Variants in ROBO1 observed in about 807,000 individuals in gnomAD.
ROBO1 encodes the protein roundabout homolog 1.
ROBO1 carries 149 observed loss-of-function variants against 195.9 expected under a neutral mutation model. The observed-to-expected ratio is 0.76, with a 90% confidence interval of 0.67 to 0.87. The LOEUF is 0.87. ROBO1 is among the 40% of genes least tolerant of loss of function. The pLI is 0.00. For missense variants in ROBO1, 1,933 were observed against 2,068.3 expected, an observed-to-expected ratio of 0.93 and a Z score of 1.27; for synonymous variants, 816 against 733.2, an observed-to-expected ratio of 1.11 and a Z score of -1.82.
chr3:79,253,771 T>TA (rs1553707674), intron 2 of ROBO1, among the ~76,000 whole-genome samples: 1 of 152,214 alleles, frequency 6.6e-6, no homozygotes, highest in Non-Finnish European at 1.5e-5. Flanking sequence ...GAGTATATCT[T>TA]AGACGCTAAG....
At chr3:79,477,347 C>T (rs1009111710) in intron 2 of ROBO1, among the ~76,000 whole-genome samples, 10 of 152,088 alleles carry the variant, frequency 6.6e-5, no homozygotes, top group South Asian at 4.1e-4. Context: ...TCATCTCAAC[C>T]GTTGAATCTG....
chr3:78,977,286 T>C (rs922201625), intron 3 of ROBO1, among the ~76,000 whole-genome samples: 3 of 152,072 alleles, frequency 2.0e-5, no homozygotes, highest in African/African-American at 7.2e-5. Context: ...CCCACATGCT[T>C]TGCTTTTTAC....
Position 78,668,503 on chromosome 3 carries a change from A to ACT in ROBO1, c.1609_1610dup (p.Ser537ArgfsTer24). 1 of 1,613,790 alleles carries ACT rather than the reference A, an allele frequency of 6.2e-7. No individual in the cohort carries two copies. The highest frequency in any genetic ancestry group is 8.5e-7 in the Non-Finnish European group (1 of 1,179,802). The stretch of plus-strand genomic sequence containing the variant: ...CTTTACCTTGAACTTCAATGTAAGC[A>ACT]CTCCATGTTGCTTCACCACTGGGGG... On this transcript the variant is annotated frameshift_variant, in exon 12 of 31. Transcript: ENST00000464233. LOFTEE classifies it high-confidence loss of function.
chr3:79,611,908 A>G (rs1056166066), intron 1 of ROBO1, among the ~76,000 whole-genome samples: 4 of 152,100 alleles, frequency 2.6e-5, no homozygotes, highest in Admixed American at 6.6e-5. Context: ...AAAAAAGAAT[A>G]AAGTCCAAAA....
chr3:78,942,064 G>A (rs2040171871), intron 3 of ROBO1, among the ~76,000 whole-genome samples: 1 of 152,090 alleles, frequency 6.6e-6, no homozygotes, highest in African/African-American at 2.4e-5. Flanking sequence ...ACTTTGGGAG[G>A]TCAAGGCAGG....
intron 2 of ROBO1, among the ~76,000 whole-genome samples, chr3:79,550,195 G>GAAAGAAAGAAAGAAAGAAAGGAAAA: frequency 6.0e-5 from 6 of 100,814 alleles, no homozygotes; most frequent in African/African-American, 2.8e-4. Context: ...AAGAAAGAAA[G>GAAAGAAAGAAAGAAAGAAAGGAAAA]GAAAAGAAAA....
intron 2 of ROBO1, among the ~76,000 whole-genome samples, chr3:79,538,433 T>C (rs866996129): frequency 6.6e-6 from 1 of 152,082 alleles, no homozygotes; most frequent in South Asian, 2.1e-4. Flanking sequence ...AGAGATTTTA[T>C]TTAGTTGTAA....
intron 2 of ROBO1, among the ~76,000 whole-genome samples, chr3:79,339,029 A>G (rs1417052977): frequency 6.6e-6 from 1 of 152,102 alleles, no homozygotes; most frequent in African/African-American, 2.4e-5. Context: ...CTTCCCACCT[A>G]CAATCCTTAA....
chr3:79,542,573 A>T (rs1367818923), intron 2 of ROBO1, among the ~76,000 whole-genome samples: 1 of 152,096 alleles, frequency 6.6e-6, no homozygotes, highest in East Asian at 1.9e-4. Context: ...TTTAAAAATA[A>T]ATAACAGTAG....
At chr3:79,059,938 C>T (rs377682727) in intron 3 of ROBO1, among the ~76,000 whole-genome samples, 14 of 152,022 alleles carry the variant, frequency 9.2e-5, no homozygotes, top group South Asian at 8.3e-4. Flanking sequence ...GACTGCCTGC[C>T]GAGCTGGGCA....
intron 3 of ROBO1, among the ~76,000 whole-genome samples, chr3:79,113,577 G>A (rs1386810037): frequency 6.6e-6 from 1 of 152,044 alleles, no homozygotes; most frequent in Non-Finnish European, 1.5e-5. Context: ...AGTCCAGCCT[G>A]ACCAACATGG....
intron 2 of ROBO1, among the ~76,000 whole-genome samples, chr3:79,516,766 A>G (rs1297202248): frequency 6.6e-6 from 1 of 152,212 alleles, no homozygotes. Context: ...GTGTTTGAGT[A>G]CAAACAAACA....
chr3:78,886,552 C>A (rs760518859), intron 4 of ROBO1, among the ~76,000 whole-genome samples: 1 of 151,964 alleles, frequency 6.6e-6, no homozygotes. Flanking sequence ...TGAGATCACA[C>A]CATTGCACTC....
chr3:78,987,870 C>T (rs1012771372), intron 3 of ROBO1, among the ~76,000 whole-genome samples: 1 of 151,930 alleles, frequency 6.6e-6, no homozygotes. Context: ...ATCTCACAAA[C>T]CTCATAAATA....
At chr3:78,975,486 C>G (rs1279478704) in intron 3 of ROBO1, among the ~76,000 whole-genome samples, 1 of 151,986 alleles carries the variant, frequency 6.6e-6, no homozygotes, top group Non-Finnish European at 1.5e-5. Flanking sequence ...TGGAGAGACT[C>G]TCAATTCTGC....
At chr3:79,435,880 G>A (rs1388260942) in intron 2 of ROBO1, among the ~76,000 whole-genome samples, 1 of 152,034 alleles carries the variant, frequency 6.6e-6, no homozygotes, top group African/African-American at 2.4e-5. Flanking sequence ...CTACTTTTCT[G>A]AGTTTATTTC....
intron 2 of ROBO1, among the ~76,000 whole-genome samples, chr3:79,204,352 T>G (rs1462787414): frequency 6.6e-6 from 1 of 152,128 alleles, no homozygotes; most frequent in Non-Finnish European, 1.5e-5. Context: ...TATGCCCATG[T>G]ATAACCATGG....
At chr3:79,294,057 C>CAAAAAAAAA (rs71631641) in intron 2 of ROBO1, among the ~76,000 whole-genome samples, 16 of 29,034 alleles carry the variant, frequency 5.5e-4, no homozygotes, top group Non-Finnish European at 6.1e-4. Context: ...GACTCCATCT[C>CAAAAAAAAA]AAAAAAAAAA....
chr3:79,736,274 A>C (rs958282425), intron 1 of ROBO1, among the ~76,000 whole-genome samples: 1 of 152,214 alleles, frequency 6.6e-6, no homozygotes, highest in Non-Finnish European at 1.5e-5. Flanking sequence ...GGCTGAAACT[A>C]ATGAGAGGAG....
Sources: gnomAD v4.1 joint callset for allele counts (sites outside exome capture counted in the v4.1 genomes callset) on GRCh38, gnomAD v4.1.1 for gene constraint, MANE v1.5 for transcripts, NCBI Gene and HGNC (gene_info 2026-07-23, HGNC 2026-07-21) for gene names.